GPRIN3: variants seen among roughly 807,000 people sequenced by gnomAD.
GPRIN3 encodes G protein-regulated inducer of neurite outgrowth 3.
In GPRIN3, 12 loss-of-function variants were observed where a neutral mutation model predicts 13.7. The ratio of observed to expected loss-of-function variants is 0.87; its 90% CI spans 0.56 to 1.42. The LOEUF is 1.42. Among genes scored for constraint, GPRIN3 ranks in the 40% most tolerant of loss-of-function variants. The probability of loss-of-function intolerance (pLI) is 0.00; values close to 1 mark genes in which losing one functional copy is unlikely to be tolerated. For synonymous variants in GPRIN3, 377 were observed against 372.7 expected (o/e 1.01, Z -0.13); for missense variants, 1,009 against 958.7 (o/e 1.05, Z -0.69).
chr4:89,304,801 C>A (rs1246232881), intron 1 of GPRIN3, among the ~76,000 whole-genome samples: 1 of 152,052 alleles, frequency 6.6e-6, no homozygotes, highest in Non-Finnish European at 1.5e-5. Context: ...AAATAAGAAT[C>A]CTTGAATTTT....
chr4:89,240,405 C>T lies in GPRIN3; in HGVS notation c.*7375G>A, dbSNP rs1722893083. Reference sequence around the variant, plus strand: ...TTCGGTGTTGGTAGGCATAGTTTTGCTGAGCTCAAGAGAAGAATGCCTGTG... The same window carrying T: ...TTCGGTGTTGGTAGGCATAGTTTTGTTGAGCTCAAGAGAAGAATGCCTGTG... On this transcript the variant is annotated 3_prime_UTR_variant, in exon 2 of 2. Coordinates refer to ENST00000609438, the MANE Select transcript of GPRIN3 (RefSeq NM_198281.3). The T allele has an allele frequency of 6.6e-6, 1 of 152,014 alleles. No homozygotes were observed. The highest frequency in any genetic ancestry group is 6.6e-5 in the Admixed American group (1 of 15,264). The allele number at this position is 152,014 out of a possible 1,614,324, so 9.4% of individuals were successfully genotyped here.
intron 1 of GPRIN3, among the ~76,000 whole-genome samples, chr4:89,288,611 T>C (rs1724487544): frequency 6.6e-6 from 1 of 152,196 alleles, no homozygotes; most frequent in Non-Finnish European, 1.5e-5. Flanking sequence ...GGCACTCTCA[T>C]GAGAGTTTCA....
chr4:89,274,851 C>A (rs1724049348), intron 1 of GPRIN3, among the ~76,000 whole-genome samples: 1 of 152,100 alleles, frequency 6.6e-6, no homozygotes, highest in African/African-American at 2.4e-5. Context: ...GTCTCCCAAC[C>A]CCTTGTCTTT....
Position 89,248,847 on chromosome 4 carries a change from A to T in GPRIN3, c.1264T>A (p.Ser422Thr), listed in dbSNP as rs759082114. The T allele has an allele frequency of 1.1e-5, 17 of 1,614,004 alleles. No homozygotes were observed. Among genetic ancestry groups the T allele is most frequent in the Non-Finnish European group, 1.4e-5 (17 of 1,180,018 alleles). ...SLPGGVLKTSSINLVSSNAQH... is the reference protein window; with the variant it reads ...SLPGGVLKTSTINLVSSNAQH... Reference sequence around the variant, plus strand: ...GCATTACTGGAGACCAAATTGATTGATGAGGTTTTAAGGACCCCACCTGGT... The same window carrying T: ...GCATTACTGGAGACCAAATTGATTGTTGAGGTTTTAAGGACCCCACCTGGT... The change falls in exon 2 of 2, where the codon TCA (serine) becomes ACA (threonine). Residue 422 changes from serine to threonine, a missense_variant. Transcript: ENST00000609438.
rs1722962207 is a variant in GPRIN3, at chr4:89,242,179, T to C, written c.*5601A>G. 6.6e-6 allele frequency: 1 copy of C among 152,224 alleles called. No homozygotes were observed. The highest frequency in any genetic ancestry group is 2.4e-5 in the African/African-American group (1 of 41,462). The allele number at this position is 152,224 out of a possible 1,614,324, so 9.4% of individuals were successfully genotyped here. ...CCTACTATTTTGCAGCCAATTAATT[T>C]TGAGCTTGAATCCAGAAAGATACTT... On this transcript the variant is annotated 3_prime_UTR_variant, in exon 2 of 2. Coordinates refer to ENST00000609438, the MANE Select transcript of GPRIN3 (RefSeq NM_198281.3).
chr4:89,248,704 G>C lies in GPRIN3; in HGVS notation c.1407C>G (p.Asp469Glu). The stretch of plus-strand genomic sequence containing the variant: ...GACTGCATGCACTGATAGAAATCTG[G>C]TCAATGGCGGTAGCTTTCAGGGAGC... ...NSSSLKATAIDQISISACSQA... is the reference protein window; with the variant it reads ...NSSSLKATAIEQISISACSQA... The change falls in exon 2 of 2, where the codon GAC becomes GAG. Residue 469 changes from aspartate to glutamate, a missense_variant. Asp to Glu is a conservative substitution (Grantham distance 45). Coordinates refer to ENST00000609438, the MANE Select transcript of GPRIN3 (RefSeq NM_198281.3). 1 of 1,614,126 alleles carries C rather than the reference G, an allele frequency of 6.2e-7. No individual in the cohort carries two copies. Among genetic ancestry groups the C allele is most frequent in the Non-Finnish European group, 8.5e-7 (1 of 1,180,002 alleles).
intron 1 of GPRIN3, among the ~76,000 whole-genome samples, chr4:89,294,430 C>T (rs1578113527): frequency 6.6e-6 from 1 of 152,182 alleles, no homozygotes; most frequent in East Asian, 1.9e-4. Context: ...TTTTATCATA[C>T]TGTATGTGCA....
intron 1 of GPRIN3, 125 bp from the exon 2 acceptor site, chr4:89,250,358 T>C: frequency 2.2e-6 from 1 of 459,418 alleles, no homozygotes; most frequent in Non-Finnish European, 3.6e-6. Flanking sequence ...GATATAAAAA[T>C]AGACCTTGTG....
intron 1 of GPRIN3, among the ~76,000 whole-genome samples, chr4:89,281,365 G>C (rs563556425): frequency 1.3e-5 from 2 of 152,190 alleles, no homozygotes; most frequent in African/African-American, 4.8e-5. Context: ...CTCGTGATCT[G>C]CCCACCTCGG....
chr4:89,254,128 G>GTGTGTGTGTGTGTGT (rs1723403981), intron 1 of GPRIN3, among the ~76,000 whole-genome samples: 4 of 147,644 alleles, frequency 2.7e-5, no homozygotes, highest in South Asian at 2.2e-4. Flanking sequence ...GTTGCATCTG[G>GTGTGTGTGTGTGTGT]GTGTGTGTGT....
intron 1 of GPRIN3, among the ~76,000 whole-genome samples, chr4:89,268,872 G>T (rs900671572): frequency 1.3e-5 from 2 of 152,196 alleles, no homozygotes; most frequent in African/African-American, 4.8e-5. Flanking sequence ...CCCCCAGAAA[G>T]CCAGTTGTTA....
intron 1 of GPRIN3, among the ~76,000 whole-genome samples, chr4:89,294,314 AG>A (rs921885702): frequency 5.9e-5 from 9 of 152,192 alleles, no homozygotes; most frequent in African/African-American, 2.2e-4. Flanking sequence ...TGGGAGGCAA[AG>A]GTGGGAGAAT....
rs777301348 is a variant in GPRIN3, at chr4:89,247,434, T to C, written c.*346A>G. The C allele has an allele frequency of 8.0e-5, 15 of 186,722 alleles. No individual in the cohort carries two copies. Among genetic ancestry groups the C allele is most frequent in the Non-Finnish European group, 1.5e-4 (14 of 90,466 alleles). 11.6% of individuals were successfully genotyped at this position (186,722 alleles called of 1,614,324 possible). On this transcript the variant is annotated 3_prime_UTR_variant, in exon 2 of 2. Coordinates refer to ENST00000609438, the MANE Select transcript of GPRIN3 (RefSeq NM_198281.3). ...ATGGAACTACTACTGTGTGATAAAT[T>C]GAGGCAGTTATACAAAATAATACAT...
At chr4:89,273,429 C>A (rs1449446166) in intron 1 of GPRIN3, among the ~76,000 whole-genome samples, 1 of 152,178 alleles carries the variant, frequency 6.6e-6, no homozygotes, top group Non-Finnish European at 1.5e-5. Flanking sequence ...GATCTGTAAT[C>A]CCAGGACTTT....
rs752361576 is a variant in GPRIN3, at chr4:89,248,745, C to G, written c.1366G>C (p.Ala456Pro). 11 of 1,614,054 alleles carry G rather than the reference C, an allele frequency of 6.8e-6. No individual in the cohort carries two copies. Among genetic ancestry groups the G allele is most frequent in the African/African-American group, 1.3e-5 (1 of 74,922 alleles). The change falls in exon 2 of 2, where the codon GCA (alanine) becomes CCA (proline). Residue 456 changes from alanine (A) to proline (P), a missense_variant. Physicochemically the swap from Ala to Pro is conservative, Grantham distance 27. Transcript: ENST00000609438. ...TTCAGGGAGCTAGAATTAGTACCTG[C>G]GAGCTTTTTAGCAGTTGACTCTTCC... ...VREESTAKKL[A>P]GTNSSSLKAT...
rs1722979571 is a variant in GPRIN3 at position 89,242,747 on chromosome 4, T to C, written c.*5033A>G. Reference sequence around the variant, plus strand: ...GGCACATTATTGCTTGGCTTTAATTTCATATTCAACAGTCTTTATTCTCAT... The same window carrying C: ...GGCACATTATTGCTTGGCTTTAATTCCATATTCAACAGTCTTTATTCTCAT... On this transcript the variant is annotated 3_prime_UTR_variant, in exon 2 of 2. Transcript: ENST00000609438. 1 of 152,216 alleles carries C rather than the reference T, an allele frequency of 6.6e-6. No homozygotes were observed. Among genetic ancestry groups the C allele is most frequent in the Non-Finnish European group, 1.5e-5 (1 of 68,044 alleles). The allele number at this position is 152,216 out of a possible 1,614,324, so 9.4% of individuals were successfully genotyped here.
At chr4:89,296,199 T>C (rs1192816159) in intron 1 of GPRIN3, among the ~76,000 whole-genome samples, 1 of 151,964 alleles carries the variant, frequency 6.6e-6, no homozygotes, top group Non-Finnish European at 1.5e-5. Flanking sequence ...CATTCCAGAG[T>C]GATAAAAAGG....
chr4:89,265,211 A>G (rs1001182195), intron 1 of GPRIN3, among the ~76,000 whole-genome samples: 2 of 152,290 alleles, frequency 1.3e-5, no homozygotes, highest in East Asian at 3.9e-4. Flanking sequence ...TTATTATACT[A>G]TTCTCAATTT....
In GPRIN3 at chr4:89,245,376, T is replaced by C. The variant is rs1431613109; in HGVS notation, c.*2404A>G. On this transcript the variant is annotated 3_prime_UTR_variant, in exon 2 of 2. Transcript: ENST00000609438. ...GTACATTAAACAAATTTTCTTAAAGTTTTGATAGACATAACCACAATAGCA... is the reference window on the plus strand; with the variant it reads ...GTACATTAAACAAATTTTCTTAAAGCTTTGATAGACATAACCACAATAGCA... 1 of 152,208 alleles carries C rather than the reference T, an allele frequency of 6.6e-6. No homozygotes were observed. The highest frequency in any genetic ancestry group is 1.5e-5 in the Non-Finnish European group (1 of 68,046). The allele number at this position is 152,208 out of a possible 1,614,324, so 9.4% of individuals were successfully genotyped here.
Sources: gnomAD v4.1 joint callset for allele counts (sites outside exome capture counted in the v4.1 genomes callset) on GRCh38, gnomAD v4.1.1 for gene constraint, MANE v1.5 for transcripts, NCBI Gene and HGNC (gene_info 2026-07-23, HGNC 2026-07-21) for gene names.